The following ADAMTS3 variants were observed in gnomAD, a reference collection of about 807,000 sequenced individuals.
The protein encoded by ADAMTS3 is ADAM metallopeptidase with thrombospondin type 1 motif 3.
ADAMTS3 carries 73 observed loss-of-function variants against 129.0 expected under a neutral mutation model. The observed-to-expected ratio is 0.57, with a 90% confidence interval of 0.47 to 0.69. ADAMTS3 has a LOEUF of 0.69. Among genes scored for constraint, ADAMTS3 ranks in the 30% least tolerant of loss-of-function variants. ADAMTS3 has a pLI of 0.00. For missense variants in ADAMTS3, 1,457 were observed against 1,514.5 expected, an observed-to-expected ratio of 0.96 and a Z score of 0.63; for synonymous variants, 477 against 510.8, an observed-to-expected ratio of 0.93 and a Z score of 0.89.
intron 3 of ADAMTS3, among the ~76,000 whole-genome samples, chr4:72,499,495 A>G (rs537356363): frequency 6.6e-6 from 1 of 152,182 alleles, no homozygotes; most frequent in East Asian, 1.9e-4. Context: ...AAAAAGTGGT[A>G]AACTACATTT....
intron 3 of ADAMTS3, among the ~76,000 whole-genome samples, chr4:72,462,455 A>G (rs1718796707): frequency 6.6e-6 from 1 of 151,998 alleles, no homozygotes; most frequent in Non-Finnish European, 1.5e-5. Context: ...AAGCACATCA[A>G]AGAAACATGA....
chr4:72,292,922 C>T (rs1718712881), intron 19 of ADAMTS3, among the ~76,000 whole-genome samples: 1 of 152,160 alleles, frequency 6.6e-6, no homozygotes, highest in African/African-American at 2.4e-5. Context: ...TCAGTGATGA[C>T]TCTCTTTTGA....
At chr4:72,308,890 A>T (rs929655590) in intron 15 of ADAMTS3, among the ~76,000 whole-genome samples, 1 of 151,942 alleles carries the variant, frequency 6.6e-6, no homozygotes, top group Non-Finnish European at 1.5e-5. Context: ...GTTTAAAGTA[A>T]ATTTTTAAAA....
In ADAMTS3 at chr4:72,568,913, G is replaced by A; in HGVS notation, c.-151C>T. 1.5e-6 allele frequency: 1 copy of A among 653,144 alleles called. No homozygotes were observed. The highest frequency in any genetic ancestry group is 2.7e-6 in the Non-Finnish European group (1 of 375,848). The allele number at this position is 653,144 out of a possible 1,614,324, so 40.5% of individuals were successfully genotyped here. Reference sequence around the variant, plus strand: ...ATGATCTTCTGTGCTTTGCTTCAATGAAAATGAAATTTGAGCTCTGAGACT... The same window carrying A: ...ATGATCTTCTGTGCTTTGCTTCAATAAAAATGAAATTTGAGCTCTGAGACT... On this transcript the variant is annotated 5_prime_UTR_variant, in exon 1 of 22. Coordinates refer to ENST00000286657, the MANE Select transcript of ADAMTS3 (RefSeq NM_014243.3).
intron 5 of ADAMTS3, among the ~76,000 whole-genome samples, chr4:72,332,043 G>C (rs1025879943): frequency 6.6e-6 from 1 of 152,138 alleles, no homozygotes; most frequent in Non-Finnish European, 1.5e-5. Context: ...ACAGGACTTT[G>C]CCTATGGTAG....
chr4:72,467,315 C>T (rs989051010), intron 3 of ADAMTS3, among the ~76,000 whole-genome samples: 1 of 152,062 alleles, frequency 6.6e-6, no homozygotes, highest in African/African-American at 2.4e-5. Context: ...TACTCTACAG[C>T]CTTGTCTCAG....
chr4:72,443,428 G>C (rs912784396), intron 3 of ADAMTS3, among the ~76,000 whole-genome samples: 1 of 151,688 alleles, frequency 6.6e-6, no homozygotes, highest in Non-Finnish European at 1.5e-5. Context: ...TTACCCTCTA[G>C]TGTTAAAAAT....
intron 3 of ADAMTS3, among the ~76,000 whole-genome samples, chr4:72,542,783 G>A (rs551743758): frequency 4.1e-4 from 63 of 152,314 alleles, no homozygotes; most frequent in African/African-American, 1.4e-3. Context: ...AGCTGGAGCT[G>A]AAGAGACCAG....
chr4:72,538,919 C>G (rs1455856278), intron 3 of ADAMTS3, among the ~76,000 whole-genome samples: 1 of 152,108 alleles, frequency 6.6e-6, no homozygotes, highest in Non-Finnish European at 1.5e-5. Flanking sequence ...TGAGAAAAGA[C>G]AGTCTTTTCA....
At position 72,283,244 on chromosome 4, in the gene ADAMTS3, A is replaced by G. The variant is rs1471956583; in HGVS notation, c.3510T>C (p.Phe1170=). 1.9e-5 allele frequency: 31 copies of G among 1,613,894 alleles called. No homozygotes were observed. The Admixed American group carries it at 4.7e-4, about 24-fold the overall frequency. Residue 1170 remains phenylalanine (F), a synonymous_variant, in exon 22 of 22, where the codon TTT becomes TTC. Coordinates refer to ENST00000286657, the MANE Select transcript of ADAMTS3 (RefSeq NM_014243.3). ...SASQMAAASF[F]AASDSIGASS... ...AAGCACCTATTGAATCACTGGCTGC[A>G]AAGAAGGAAGCAGCAGCCATTTGTG... is the stretch of plus-strand genomic sequence containing the variant.
rs534209363 is a variant in ADAMTS3 at position 72,448,950 on chromosome 4, G to T, written c.505-33979C>A. Among the ~76,000 whole-genome samples the T allele has an allele frequency of 2.0e-5, 3 of 151,570 alleles. No homozygotes were observed. The South Asian group carries it at 6.2e-4, about 31-fold the overall frequency. On this transcript the variant is annotated intron_variant, in intron 3 of 21. Transcript: ENST00000286657. ...TACCTAAGTTTGTATTAATAATCCT[G>T]TATTATTTTTCTTTAAAAGGACCTC...
intron 3 of ADAMTS3, among the ~76,000 whole-genome samples, chr4:72,539,258 T>C (rs1046712847): frequency 4.0e-5 from 6 of 151,790 alleles, no homozygotes; most frequent in Non-Finnish European, 8.8e-5. Flanking sequence ...GCAAACCATA[T>C]ATCTGATAAG....
At chr4:72,520,672 G>T (rs192794581) in intron 3 of ADAMTS3, among the ~76,000 whole-genome samples, 10 of 152,162 alleles carry the variant, frequency 6.6e-5, no homozygotes, top group Non-Finnish European at 1.3e-4. Context: ...CTCCTGGTGC[G>T]CTGTTTCCTA....
chr4:72,536,053 T>C (rs1721177652), intron 3 of ADAMTS3, among the ~76,000 whole-genome samples: 1 of 152,178 alleles, frequency 6.6e-6, no homozygotes, highest in Non-Finnish European at 1.5e-5. Flanking sequence ...ATTTTCTATA[T>C]GGTTATTTGT....
At chr4:72,356,063 C>T (rs4694480) in intron 4 of ADAMTS3, among the ~76,000 whole-genome samples, 122,468 of 151,984 alleles carry the variant, frequency 0.81, 49,845 homozygotes, top group African/African-American at 0.91. Flanking sequence ...GAAAACATGT[C>T]AAAAAGTTGC....
At chr4:72,342,317 C>T (rs1309874322) in intron 4 of ADAMTS3, among the ~76,000 whole-genome samples, 1 of 151,176 alleles carries the variant, frequency 6.6e-6, no homozygotes, top group African/African-American at 2.4e-5. Flanking sequence ...TGATGAACCG[C>T]TATTGTTCCA....
At position 72,566,282 on chromosome 4, in the gene ADAMTS3, T is replaced by G. The variant is rs543552060; in HGVS notation, c.97+1092A>C. Among the ~76,000 whole-genome samples the G allele has an allele frequency of 5.9e-5, 9 of 152,318 alleles. No individual in the cohort carries two copies. The South Asian group carries it at 1.9e-3, about 32-fold the overall frequency. ...TATACACACCTCTGGGCTTAGCTCT[T>G]GGGTTTCTTAGTTAACAAGTGTGAA... is the stretch of plus-strand genomic sequence containing the variant. On this transcript the variant is annotated intron_variant, in intron 2 of 21. Coordinates refer to ENST00000286657, the MANE Select transcript of ADAMTS3 (RefSeq NM_014243.3).
intron 3 of ADAMTS3, among the ~76,000 whole-genome samples, chr4:72,426,727 A>G (rs1422651197): frequency 6.6e-6 from 1 of 152,062 alleles, no homozygotes; most frequent in East Asian, 1.9e-4. Context: ...CTCTACAAAA[A>G]TAAACAAATA....
chr4:72,530,758 AT>A (rs1721013050), intron 3 of ADAMTS3, among the ~76,000 whole-genome samples: 1 of 4,090 alleles, frequency 2.4e-4, no homozygotes, highest in Non-Finnish European at 4.5e-4. Flanking sequence ...TATATTATAT[AT>A]TATATAGATT....
Sources: gnomAD v4.1 joint callset for allele counts (sites outside exome capture counted in the v4.1 genomes callset) on GRCh38, gnomAD v4.1.1 for gene constraint, MANE v1.5 for transcripts, NCBI Gene and HGNC (gene_info 2026-07-23, HGNC 2026-07-21) for gene names.